TSGA10: variants seen among roughly 807,000 people sequenced by gnomAD.
TSGA10 encodes testis-specific gene 10 protein.
TSGA10 carries 43 observed loss-of-function variants against 96.6 expected under a neutral mutation model. The observed-to-expected ratio is 0.44, with a 90% CI of 0.35 to 0.57. The LOEUF (loss-of-function observed/expected upper bound fraction) is 0.57. TSGA10 is among the 20% of genes least tolerant of loss of function. TSGA10 has a pLI of 0.01. For missense variants in TSGA10, 703 were observed against 834.4 expected, an observed-to-expected ratio of 0.84 and a Z score of 1.94; for synonymous variants, 229 against 269.9, an observed-to-expected ratio of 0.85 and a Z score of 1.48.
intron 16 of TSGA10, among the ~76,000 whole-genome samples, chr2:99,054,408 A>T (rs960632340): frequency 6.6e-6 from 1 of 152,192 alleles, no homozygotes; most frequent in African/African-American, 2.4e-5. Context: ...AAACGGTAAA[A>T]CTGCTAGAAG....
At position 99,047,784 on chromosome 2, in the gene TSGA10, C is replaced by T. The variant is rs189789527; in HGVS notation, c.1405-12345G>A. ...TAGGAAAAGAGGAAGTCAAATTGTC[C>T]CTGTTTGAAGATGGCATGATTGTAT... On this transcript the variant is annotated intron_variant, in intron 16 of 20. Transcript: ENST00000393483. Among the ~76,000 whole-genome samples the T allele has an allele frequency of 1.4e-4, 21 of 152,156 alleles. No individual in the cohort carries two copies. In the East Asian group the frequency reaches 3.7e-3, roughly 27 times the overall value.
At chr2:99,116,574 T>C (rs762326924) in intron 4 of TSGA10, among the ~76,000 whole-genome samples, 24 of 151,668 alleles carry the variant, frequency 1.6e-4, no homozygotes, top group South Asian at 4.1e-4. Flanking sequence ...ACTAGCAGTA[T>C]CAACAGAAGG....
intron 20 of TSGA10, among the ~76,000 whole-genome samples, chr2:99,000,535 C>T (rs571891778): frequency 5.3e-5 from 8 of 150,264 alleles, no homozygotes; most frequent in Admixed American, 2.0e-4. Flanking sequence ...AAAAGGGGAT[C>T]GTTCCAAGAT....
chr2:99,016,446 T>C (rs10165534), intron 20 of TSGA10, among the ~76,000 whole-genome samples: 53,332 of 151,978 alleles, frequency 0.35, 10,700 homozygotes, highest in African/African-American at 0.55. Flanking sequence ...AAGCCACATG[T>C]AGAGGAATGA....
intron 1 of TSGA10, among the ~76,000 whole-genome samples, chr2:99,153,303 G>T (rs569182924): frequency 6.6e-6 from 1 of 152,328 alleles, no homozygotes; most frequent in South Asian, 2.1e-4. Flanking sequence ...AACAATGAAT[G>T]GGAAGTGAGA....
chr2:99,007,804 C>A (rs1203127198), intron 20 of TSGA10, among the ~76,000 whole-genome samples: 1 of 152,168 alleles, frequency 6.6e-6, no homozygotes, highest in Non-Finnish European at 1.5e-5. Flanking sequence ...TCCCCCTCCT[C>A]TCTTTGGAAA....
intron 2 of TSGA10, among the ~76,000 whole-genome samples, chr2:99,121,214 G>A (rs756991467): frequency 3.3e-5 from 5 of 152,088 alleles, no homozygotes; most frequent in African/African-American, 4.8e-5. Context: ...TATGGTAAAT[G>A]TATGTTTAGT....
intron 16 of TSGA10, among the ~76,000 whole-genome samples, chr2:99,064,201 G>T (rs776310100): frequency 3.3e-5 from 5 of 151,918 alleles, no homozygotes; most frequent in Non-Finnish European, 4.4e-5. Flanking sequence ...AAATGTAAAA[G>T]GTTTGTTGCA....
At chr2:99,062,591 C>T (rs759192593) in intron 16 of TSGA10, among the ~76,000 whole-genome samples, 141 of 152,102 alleles carry the variant, frequency 9.3e-4, no homozygotes, top group Non-Finnish European at 1.6e-3. Flanking sequence ...TAAAAATTAG[C>T]TGGGTGTGGT....
chr2:99,113,415 T>C (rs541265944), intron 4 of TSGA10, among the ~76,000 whole-genome samples: 38 of 152,194 alleles, frequency 2.5e-4, no homozygotes, highest in African/African-American at 8.9e-4. Flanking sequence ...AAAGAATACA[T>C]GAAGCAACCC....
chr2:99,068,491 T>C (rs982895220), intron 15 of TSGA10, among the ~76,000 whole-genome samples: 1 of 152,178 alleles, frequency 6.6e-6, no homozygotes, highest in African/African-American at 2.4e-5. Flanking sequence ...ATCTGCCTTG[T>C]GGTCCTAAAA....
At chr2:99,121,017 T>C (rs945657447) in intron 2 of TSGA10, among the ~76,000 whole-genome samples, 2 of 152,248 alleles carry the variant, frequency 1.3e-5, no homozygotes, top group African/African-American at 4.8e-5. Flanking sequence ...TTCCTATTTA[T>C]TGCTGAATAA....
chr2:99,089,654 G>A (rs1367142396), intron 10 of TSGA10, among the ~76,000 whole-genome samples: 1 of 152,112 alleles, frequency 6.6e-6, no homozygotes, highest in Non-Finnish European at 1.5e-5. Flanking sequence ...CACTTCCCTA[G>A]TGACCTGCAT....
At chr2:99,002,528 A>T (rs893445425) in intron 20 of TSGA10, among the ~76,000 whole-genome samples, 77 of 152,238 alleles carry the variant, frequency 5.1e-4, no homozygotes, top group Non-Finnish European at 8.8e-5. Flanking sequence ...CCACTGCAAA[A>T]ACATGCCAAA....
At chr2:99,006,955 C>T (rs2078541379) in intron 20 of TSGA10, among the ~76,000 whole-genome samples, 1 of 152,154 alleles carries the variant, frequency 6.6e-6, no homozygotes, top group Non-Finnish European at 1.5e-5. Flanking sequence ...CCATGGAATA[C>T]TATGCAGCCA....
At chr2:99,130,636 A>G (rs919380562) in intron 1 of TSGA10, among the ~76,000 whole-genome samples, 8 of 152,110 alleles carry the variant, frequency 5.3e-5, no homozygotes, top group Non-Finnish European at 1.0e-4. Context: ...AATTAGATCC[A>G]TTTGTCAATT....
At chr2:99,106,432 C>G (rs555366955) in intron 7 of TSGA10, among the ~76,000 whole-genome samples, 7 of 152,196 alleles carry the variant, frequency 4.6e-5, no homozygotes, top group African/African-American at 1.4e-4. Context: ...GAATAGTACC[C>G]TCTCCACTGG....
At chr2:99,083,785 T>C (rs2087858551) in intron 10 of TSGA10, among the ~76,000 whole-genome samples, 1 of 152,094 alleles carries the variant, frequency 6.6e-6, no homozygotes, top group African/African-American at 2.4e-5. Context: ...GACAACAGAT[T>C]AGTGTCAGAT....
intron 10 of TSGA10, among the ~76,000 whole-genome samples, chr2:99,099,802 T>C (rs2090488191): frequency 6.6e-6 from 1 of 152,160 alleles, no homozygotes; most frequent in South Asian, 2.1e-4. Flanking sequence ...TGATTTTATG[T>C]ACACAAATAA....
Sources: allele counts gnomAD v4.1 joint callset (sites outside exome capture counted in the v4.1 genomes callset), GRCh38; gene constraint gnomAD v4.1.1; transcripts MANE v1.5; gene names NCBI Gene and HGNC (gene_info 2026-07-23, HGNC 2026-07-21).